The following IFT27 variants were observed in gnomAD, a reference collection of about 807,000 sequenced individuals.
IFT27 encodes the protein intraflagellar transport protein 27 homolog.
IFT27 carries 19 observed loss-of-function variants against 23.9 expected under a neutral mutation model. The ratio of observed to expected loss-of-function variants is 0.79; its 90% CI spans 0.55 to 1.16. The LOEUF (loss-of-function observed/expected upper bound fraction) is 1.16. Ranked by LOEUF, IFT27 falls within the 50% of genes most tolerant of loss-of-function variation. The pLI is 0.00. For synonymous variants in IFT27, 91 were observed against 89.1 expected, an observed-to-expected ratio of 1.02 and a Z score of -0.12; for missense variants, 206 against 228.7, an observed-to-expected ratio of 0.90 and a Z score of 0.64.
intron 5 of IFT27, 175 bp from the exon 6 acceptor site, chr22:36,763,188 G>A (rs1189379366): frequency 4.4e-6 from 2 of 454,884 alleles, no homozygotes; most frequent in East Asian, 3.4e-5. Flanking sequence ...TGGCCCCAAG[G>A]GCCACAGAGA....
intron 1 of IFT27, among the ~76,000 whole-genome samples, chr22:36,775,261 A>G (rs1044163275): frequency 1.4e-3 from 15 of 10,382 alleles, no homozygotes; most frequent in African/African-American, 2.5e-3. Flanking sequence ...AGGTCGGGGG[A>G]AAAATCCCAT....
intron 1 of IFT27, among the ~76,000 whole-genome samples, chr22:36,770,214 C>A (rs145101933): frequency 1.1e-3 from 161 of 152,326 alleles, no homozygotes; most frequent in African/African-American, 3.8e-3. Context: ...TGTGACCTCA[C>A]AGTTGCCAAG....
In IFT27 at chr22:36,758,211, G is replaced by A. The variant is rs770272919; in HGVS notation, c.*100C>T. 98 of 1,069,746 alleles carry A rather than the reference G, an allele frequency of 9.2e-5. 1 individual carries two copies. The East Asian group carries it at 1.7e-3, about 18-fold the overall frequency. The allele number at this position is 1,069,746 out of a possible 1,614,324, so 66.3% of individuals were successfully genotyped here. ...CAAGAGTGGAAGGAGCTGCTGCTTCGACATTTTCTCCTAATTTTATTTAAA... is the reference window on the plus strand; with the variant it reads ...CAAGAGTGGAAGGAGCTGCTGCTTCAACATTTTCTCCTAATTTTATTTAAA... On this transcript the variant is annotated 3_prime_UTR_variant, in exon 7 of 7. Coordinates refer to ENST00000433985, the MANE Select transcript of IFT27 (RefSeq NM_001177701.3).
chr22:36,763,725 A>G (rs1396449449), intron 5 of IFT27, 194 bp downstream of exon 5: 1 of 672,782 alleles, frequency 1.5e-6, no homozygotes, highest in East Asian at 2.8e-5. Flanking sequence ...CGTTTCCTAG[A>G]CTGGGAGAGG....
rs1937984784 is a variant in IFT27 at position 36,758,302 on chromosome 22, T to C, written c.*9A>G. The C allele has an allele frequency of 6.2e-7, 1 of 1,604,258 alleles. No individual in the cohort carries two copies. On this transcript the variant is annotated 3_prime_UTR_variant, in exon 7 of 7. Transcript: ENST00000433985. Reference sequence around the variant, plus strand: ...TCTCCGGTTGTGCAGCACGATCTGCTCCAGCTCGTCATGCCAGGGCCCGGA... The same window carrying C: ...TCTCCGGTTGTGCAGCACGATCTGCCCCAGCTCGTCATGCCAGGGCCCGGA...
intron 6 of IFT27, chr22:36,758,997 C>G (rs1938005747): frequency 6.5e-6 from 1 of 154,310 alleles, no homozygotes; most frequent in Admixed American, 6.4e-5. Context: ...GTGGAGCCAG[C>G]CTGGTGCTGT....
At chr22:36,773,915 C>T (rs1425050333) in intron 1 of IFT27, among the ~76,000 whole-genome samples, 1 of 152,130 alleles carries the variant, frequency 6.6e-6, no homozygotes, top group African/African-American at 2.4e-5. Context: ...GAGGGTCTAG[C>T]AGAGCTGATG....
chr22:36,762,955 C>T lies in IFT27; in HGVS notation c.411G>A (p.Glu137=), dbSNP rs775790126. ...CCTGGCCCAGCGCCCATGCCCGGGC[C>T]TCAGCTGAGTCCACTGCTCGTCTGC... ...LAGRRAVDSA[E]ARAWALGQGL... is the part of the protein sequence containing the mutation. Residue 137 remains glutamate, a synonymous_variant, in exon 6 of 7, where the codon GAG becomes GAA. Transcript: ENST00000433985. 6.2e-7 allele frequency: 1 copy of T among 1,603,146 alleles called. No individual in the cohort carries two copies. The highest frequency in any genetic ancestry group is 1.3e-5 in the African/African-American group (1 of 74,864).
intron 5 of IFT27, chr22:36,763,675 G>T (rs1182806776): frequency 8.5e-6 from 5 of 585,836 alleles, no homozygotes; most frequent in Admixed American, 8.3e-5. Context: ...TCCCGTTATT[G>T]AGTCTCCCCA....
intron 5 of IFT27, 48 bp downstream of exon 5, chr22:36,763,871 C>G (rs568467698): frequency 1.5e-6 from 2 of 1,361,960 alleles, no homozygotes; most frequent in African/African-American, 2.9e-5. Context: ...GCTCTTGAAC[C>G]AAAGGACAGA....
At chr22:36,768,478 T>G (rs117996179) in intron 1 of IFT27, 11 of 198,492 alleles carry the variant, frequency 5.5e-5, no homozygotes, top group Admixed American at 3.2e-4. Context: ...CAGGGGCCTC[T>G]CCACCAATTC....
In IFT27 at chr22:36,775,742, A is replaced by T; in HGVS notation, c.-35T>A. The T allele has an allele frequency of 6.2e-7, 1 of 1,613,616 alleles. No homozygotes were observed. The highest frequency in any genetic ancestry group is 1.3e-5 in the African/African-American group (1 of 75,000). On this transcript the variant is annotated 5_prime_UTR_variant, in exon 1 of 7. Transcript: ENST00000433985. ...CACTCCCGCGAGCCGTACCCAGAGGACAAGAGCGGCTGCTAGAGACGCGAG... is the reference window on the plus strand; with the variant it reads ...CACTCCCGCGAGCCGTACCCAGAGGTCAAGAGCGGCTGCTAGAGACGCGAG...
In IFT27 at chr22:36,767,313, T is replaced by A; in HGVS notation, c.167A>T (p.Asp56Val). Residue 56 changes from aspartate (D) to valine (V), a missense_variant, in exon 3 of 7, where the codon GAC (aspartate) becomes GTC (valine). Transcript: ENST00000433985. ...VKTVPVPDTGDSVELFIFDSA... is the reference protein window; with the variant it reads ...VKTVPVPDTGVSVELFIFDSA... Reference sequence around the variant, plus strand: ...GGTAAAGGCATCACTCACCACACTGTCTCCCGTGTCAGGAACTGGCACTGT... The same window carrying A: ...GGTAAAGGCATCACTCACCACACTGACTCCCGTGTCAGGAACTGGCACTGT... 1 of 1,613,572 alleles carries A rather than the reference T, an allele frequency of 6.2e-7. No homozygotes were observed. Among genetic ancestry groups the A allele is most frequent in the South Asian group, 1.1e-5 (1 of 91,048 alleles).
At chr22:36,763,146 C>A (rs1460741798) in intron 5 of IFT27, 133 bp from the exon 6 acceptor site, 4 of 550,188 alleles carry the variant, frequency 7.3e-6, no homozygotes, top group Admixed American at 3.7e-5. Flanking sequence ...GTGGTGAGCC[C>A]CCCCACAGGG....
At position 36,767,379 on chromosome 22, in the gene IFT27, C is replaced by T. The variant is rs995731703; in HGVS notation, c.115-14G>A. On this transcript the variant is annotated splice_polypyrimidine_tract_variant and intron_variant, in intron 2 of 6. Transcript: ENST00000433985. ...CATTCCTGTTGTCTGCCGAGGAACA[C>T]CAAGAATGTTAGCACTGAGGGCCCC... 3.1e-6 allele frequency: 5 copies of T among 1,609,730 alleles called. No individual in the cohort carries two copies. Among genetic ancestry groups the T allele is most frequent in the Middle Eastern group, 1.7e-4 (1 of 6,028 alleles).
chr22:36,772,580 C>T (rs1254556903), intron 1 of IFT27: 1 of 985,310 alleles, frequency 1.0e-6, no homozygotes, highest in African/African-American at 1.7e-5. Context: ...GCATCTGGCA[C>T]ACAAAGGGCA....
intron 5 of IFT27, chr22:36,763,563 C>T: frequency 2.5e-6 from 1 of 394,400 alleles, no homozygotes; most frequent in East Asian, 5.9e-5. Context: ...TCAGAAGTGA[C>T]AACAGGCTTG....
chr22:36,766,064 G>T, intron 4 of IFT27, 74 bp downstream of exon 4: 1 of 1,173,916 alleles, frequency 8.5e-7, no homozygotes, highest in Non-Finnish European at 1.3e-6. Context: ...GGAAACTGCT[G>T]TGTGAGCACT....
intron 1 of IFT27, among the ~76,000 whole-genome samples, chr22:36,770,529 A>G (rs765967858): frequency 3.9e-5 from 6 of 152,008 alleles, no homozygotes; most frequent in Non-Finnish European, 7.4e-5. Flanking sequence ...TTGCCACTAG[A>G]ATGAAGGACC....
Sources: gnomAD v4.1 joint callset for allele counts (sites outside exome capture counted in the v4.1 genomes callset) on GRCh38, gnomAD v4.1.1 for gene constraint, MANE v1.5 for transcripts, NCBI Gene and HGNC (gene_info 2026-07-23, HGNC 2026-07-21) for gene names.